Variants in FAM204A observed in about 807,000 individuals in gnomAD.
FAM204A encodes family with sequence similarity 204 member A.
A neutral mutation model predicts 35.4 loss-of-function variants in FAM204A; 16 were observed. The ratio of observed to expected loss-of-function variants is 0.45; its 90% CI spans 0.31 to 0.69. The LOEUF is 0.69. Among genes scored for constraint, FAM204A ranks in the 30% least tolerant of loss-of-function variants. The pLI is 0.07. For synonymous variants in FAM204A, 76 were observed against 86.9 expected, an observed-to-expected ratio of 0.88 and a Z score of 0.70; for missense variants, 240 against 265.7, an observed-to-expected ratio of 0.90 and a Z score of 0.67.
At chr10:118,326,089 A>T in intron 7 of FAM204A, 65 bp downstream of exon 7, 3 of 1,285,598 alleles carry the variant, frequency 2.3e-6, no homozygotes, top group Non-Finnish European at 3.3e-6. Context: ...AATGATCATA[A>T]AAAGAATACA....
At chr10:118,337,142 A>G (rs1846401374) in intron 2 of FAM204A, 1 of 609,188 alleles carries the variant, frequency 1.6e-6, no homozygotes, top group Non-Finnish European at 2.1e-6. Flanking sequence ...GTCCATTAGT[A>G]GAGAGAACCA....
At position 118,303,295 on chromosome 10, in the gene FAM204A, A is replaced by C. The variant is rs911097617; in HGVS notation, c.*7562T>G. On this transcript the variant is annotated 3_prime_UTR_variant, in exon 9 of 9. Coordinates refer to ENST00000369183, the MANE Select transcript of FAM204A (RefSeq NM_022063.3). ...TATGTAGAACCAAGATGTCCCTCCA[A>C]GGCAAGGAGCATAAATAACAATGAA... 3.3e-5 allele frequency: 5 copies of C among 152,248 alleles called. No homozygotes were observed. Among genetic ancestry groups the C allele is most frequent in the African/African-American group, 1.2e-4 (5 of 41,466 alleles). The allele number at this position is 152,248 out of a possible 1,614,324, so 9.4% of individuals were successfully genotyped here.
rs1845772275 is a variant in FAM204A at position 118,298,385 on chromosome 10, A to T, written c.*12472T>A. The T allele has an allele frequency of 1.3e-5, 2 of 152,218 alleles. No homozygotes were observed. Among genetic ancestry groups the T allele is most frequent in the South Asian group, 4.1e-4 (2 of 4,832 alleles). 9.4% of individuals were successfully genotyped at this position (152,218 alleles called of 1,614,324 possible). On this transcript the variant is annotated 3_prime_UTR_variant, in exon 9 of 9. Coordinates refer to ENST00000369183, the MANE Select transcript of FAM204A (RefSeq NM_022063.3). ...TTGTAAAAGTCATTAGGTATGTTTA[A>T]AATCCGAATGCGATGTGTATCTGAA...
chr10:118,311,563 C>G, intron 7 of FAM204A: 1 of 363,604 alleles, frequency 2.8e-6, no homozygotes, highest in African/African-American at 2.1e-5. Context: ...ACTGAGGCCC[C>G]TCGAGGGTCC....
At chr10:118,336,711 A>G (rs772743807) in intron 2 of FAM204A, among the ~76,000 whole-genome samples, 1 of 152,178 alleles carries the variant, frequency 6.6e-6, no homozygotes, top group Non-Finnish European at 1.5e-5. Context: ...TCTCTAATAT[A>G]TGAGTAGTTT....
rs956640292 is a variant in FAM204A, at chr10:118,303,908, C to T, written c.*6949G>A. 9.2e-5 allele frequency: 14 copies of T among 152,428 alleles called. No homozygotes were observed. The highest frequency in any genetic ancestry group is 3.4e-4 in the African/African-American group (14 of 41,590). 9.4% of individuals were successfully genotyped at this position (152,428 alleles called of 1,614,324 possible). Reference sequence around the variant, plus strand: ...AGGCCAAGGCTTTACCCCTTTCAGGCATTCCCCTTCCTCATGGGCTTTGCT... The same window carrying T: ...AGGCCAAGGCTTTACCCCTTTCAGGTATTCCCCTTCCTCATGGGCTTTGCT... On this transcript the variant is annotated 3_prime_UTR_variant, in exon 9 of 9. Coordinates refer to ENST00000369183, the MANE Select transcript of FAM204A (RefSeq NM_022063.3).
Position 118,310,638 on chromosome 10 carries a change from T to G in FAM204A, c.*219A>C. ...CCTCTTCTTTCTATATTTTTTTTCT[T>G]ACATTTCTTATACAAATAACAGAAT... On this transcript the variant is annotated 3_prime_UTR_variant, in exon 9 of 9. Transcript: ENST00000369183. 1 of 505,146 alleles carries G rather than the reference T, an allele frequency of 2.0e-6. No homozygotes were observed. The highest frequency in any genetic ancestry group is 3.4e-6 in the Non-Finnish European group (1 of 292,840). 31.3% of individuals were successfully genotyped at this position (505,146 alleles called of 1,614,324 possible).
Position 118,335,575 on chromosome 10 carries a change from T to C in FAM204A, c.301A>G (p.Arg101Gly). The stretch of plus-strand genomic sequence containing the variant: ...ACACCTTTTCTGGAGCGTTTTCTTC[T>C]TTTCCCTCTGAATCTTGAGGTTGTG... ...KSTTSRFRGKRRKRSRKDKLK... is the reference protein window; with the variant it reads ...KSTTSRFRGKGRKRSRKDKLK... Residue 101 changes from arginine to glycine, a missense_variant, in exon 4 of 9, where the codon AGA (arginine) becomes GGA (glycine). This residue lies in a region of FAM204A where 232 missense variants were observed against 242.8 expected (regional missense o/e 0.96). Transcript: ENST00000369183. 4 of 1,611,746 alleles carry C rather than the reference T, an allele frequency of 2.5e-6. No individual in the cohort carries two copies. The highest frequency in any genetic ancestry group is 2.5e-6 in the Non-Finnish European group (3 of 1,179,426).
At position 118,302,262 on chromosome 10, in the gene FAM204A, A is replaced by C. The variant is rs1057162805; in HGVS notation, c.*8595T>G. ...AATAATGAGAAAAGGAAATGCAGGA[A>C]GAGGGATCCATTTCTTCCAGATTCT... is the stretch of plus-strand genomic sequence containing the variant. On this transcript the variant is annotated 3_prime_UTR_variant, in exon 9 of 9. Transcript: ENST00000369183. The C allele has an allele frequency of 7.9e-5, 12 of 152,266 alleles. No individual in the cohort carries two copies. Among genetic ancestry groups the C allele is most frequent in the African/African-American group, 2.9e-4 (12 of 41,476 alleles). 9.4% of individuals were successfully genotyped at this position (152,266 alleles called of 1,614,324 possible).
At chr10:118,317,759 A>G (rs1478100749) in intron 7 of FAM204A, among the ~76,000 whole-genome samples, 5 of 152,090 alleles carry the variant, frequency 3.3e-5, no homozygotes, top group African/African-American at 1.2e-4. Context: ...TCTACATGTA[A>G]TAACTGAATT....
chr10:118,319,832 A>G (rs1424910357), intron 7 of FAM204A, among the ~76,000 whole-genome samples: 1 of 151,978 alleles, frequency 6.6e-6, no homozygotes, highest in Non-Finnish European at 1.5e-5. Context: ...CAAAACTGTT[A>G]TAATGTTACA....
chr10:118,340,419 G>A (rs1296750562), intron 2 of FAM204A, among the ~76,000 whole-genome samples: 7 of 152,112 alleles, frequency 4.6e-5, no homozygotes, highest in Non-Finnish European at 1.0e-4. Flanking sequence ...TAAAATAAAG[G>A]TTTGATCAAA....
rs1845908922 is a variant in FAM204A, at chr10:118,309,116, G to A, written c.*1741C>T. ...AGTTTGAAATGAATATTGTAGGTAA[G>A]TTTTACATGATCATATCTGTAAAAT... is the stretch of plus-strand genomic sequence containing the variant. On this transcript the variant is annotated 3_prime_UTR_variant, in exon 9 of 9. Transcript: ENST00000369183. The A allele has an allele frequency of 6.6e-6, 1 of 152,166 alleles. No individual in the cohort carries two copies. Among genetic ancestry groups the A allele is most frequent in the South Asian group, 2.1e-4 (1 of 4,832 alleles). 9.4% of individuals were successfully genotyped at this position (152,166 alleles called of 1,614,324 possible).
rs184905826 is a variant in FAM204A, at chr10:118,317,867, A to G, written c.544-6554T>C. ...CGGAATACAAAATGATACACAGAGT[A>G]ACTTTTAAATTAAAAAGCACTGAAA... On this transcript the variant is annotated intron_variant, in intron 7 of 8. Transcript: ENST00000369183. Among the ~76,000 whole-genome samples the G allele has an allele frequency of 3.3e-5, 5 of 152,192 alleles. No individual in the cohort carries two copies. The East Asian group carries it at 9.6e-4, about 29-fold the overall frequency.
rs138736899 is a variant in FAM204A at position 118,308,215 on chromosome 10, G to A, written c.*2642C>T. 4.6e-5 allele frequency: 7 copies of A among 152,158 alleles called. No individual in the cohort carries two copies. The East Asian group carries it at 5.8e-4, about 13-fold the overall frequency. 9.4% of individuals were successfully genotyped at this position (152,158 alleles called of 1,614,324 possible). A position where few individuals can be genotyped will look rare whatever the true frequency, so the allele number is the denominator to read the frequency against. On this transcript the variant is annotated 3_prime_UTR_variant, in exon 9 of 9. Transcript: ENST00000369183. ...ATAGTTACATTAATGCCATACCAAC[G>A]GCCTGAAACATATTAATCTCAGTTA... is the stretch of plus-strand genomic sequence containing the variant.
At chr10:118,322,097 T>G (rs927591198) in intron 7 of FAM204A, among the ~76,000 whole-genome samples, 2 of 152,150 alleles carry the variant, frequency 1.3e-5, no homozygotes, top group African/African-American at 2.4e-5. Flanking sequence ...TGAGATCATA[T>G]TTTAAAGATC....
chr10:118,310,376 T>C lies in FAM204A; in HGVS notation c.*481A>G, dbSNP rs1258207251. 6.6e-6 allele frequency: 1 copy of C among 151,596 alleles called. No homozygotes were observed. The highest frequency in any genetic ancestry group is 2.4e-5 in the African/African-American group (1 of 40,938). 9.4% of individuals were successfully genotyped at this position (151,596 alleles called of 1,614,324 possible). On this transcript the variant is annotated 3_prime_UTR_variant, in exon 9 of 9. Transcript: ENST00000369183. Reference sequence around the variant, plus strand: ...GGCATTTGTCCATAATCCCAGCTACTCAGGAGGCTGAGGCATGAGAATCAC... The same window carrying C: ...GGCATTTGTCCATAATCCCAGCTACCCAGGAGGCTGAGGCATGAGAATCAC...
At chr10:118,318,047 G>A (rs985432400) in intron 7 of FAM204A, among the ~76,000 whole-genome samples, 1 of 151,868 alleles carries the variant, frequency 6.6e-6, no homozygotes, top group Admixed American at 6.6e-5. Flanking sequence ...CCTCCCCAGT[G>A]TCCTATATTC....
intron 6 of FAM204A, among the ~76,000 whole-genome samples, chr10:118,329,521 C>T (rs1366206426): frequency 6.6e-6 from 1 of 152,116 alleles, no homozygotes; most frequent in South Asian, 2.1e-4. Context: ...TCGAATGTTA[C>T]CTTCTCTATC....
Sources: allele counts gnomAD v4.1 joint callset (sites outside exome capture counted in the v4.1 genomes callset), GRCh38; gene constraint gnomAD v4.1.1; regional missense constraint gnomAD v4.1.1; transcripts MANE v1.5; gene names NCBI Gene and HGNC (gene_info 2026-07-23, HGNC 2026-07-21).